ATP6V1C2: variants seen among roughly 807,000 people sequenced by gnomAD.
The protein encoded by ATP6V1C2 is ATPase H+ transporting V1 subunit C2.
ATP6V1C2 carries 45 observed loss-of-function variants against 56.8 expected under a neutral mutation model. The ratio of observed to expected loss-of-function variants is 0.79; its 90% CI spans 0.62 to 1.02. The LOEUF is 1.02. Ranked by LOEUF, ATP6V1C2 falls within the 50% of genes least tolerant of loss-of-function variation. The probability of loss-of-function intolerance (pLI) is 0.00; values close to 1 mark genes in which losing one functional copy is unlikely to be tolerated. For synonymous variants in ATP6V1C2, 220 were observed against 201.3 expected (o/e 1.09, Z -0.79); for missense variants, 463 against 519.7 (o/e 0.89, Z 1.06).
chr2:10,739,607 A>T (rs1181744493), intron 3 of ATP6V1C2, among the ~76,000 whole-genome samples: 1 of 151,932 alleles, frequency 6.6e-6, no homozygotes. Flanking sequence ...CACCCAGAAG[A>T]CTTCTCCAGA....
At chr2:10,723,415 G>A (rs1170317468) in intron 2 of ATP6V1C2, among the ~76,000 whole-genome samples, 1 of 152,124 alleles carries the variant, frequency 6.6e-6, no homozygotes, top group African/African-American at 2.4e-5. Context: ...GGCAGGGGAG[G>A]AAATCTAGGA....
At chr2:10,723,091 G>A in intron 2 of ATP6V1C2, 113 bp downstream of exon 2, 2 of 1,328,964 alleles carry the variant, frequency 1.5e-6, no homozygotes, top group Non-Finnish European at 2.0e-6. Flanking sequence ...GCAAAGCAGG[G>A]GCTCTGAGGA....
intron 8 of ATP6V1C2, 76 bp from the exon 9 acceptor site, chr2:10,774,712 G>A (rs1418157328): frequency 6.0e-6 from 8 of 1,330,746 alleles, no homozygotes; most frequent in African/African-American, 2.9e-5. Flanking sequence ...CAGGCCACCA[G>A]GCCCGGGGCC....
intron 3 of ATP6V1C2, among the ~76,000 whole-genome samples, chr2:10,738,934 G>C (rs1055669723): frequency 6.6e-6 from 1 of 152,150 alleles, no homozygotes; most frequent in Non-Finnish European, 1.5e-5. Context: ...TTCTCAGCAC[G>C]TCCATCGAAG....
chr2:10,734,603 G>C (rs557697775), intron 3 of ATP6V1C2, among the ~76,000 whole-genome samples: 10 of 152,030 alleles, frequency 6.6e-5, no homozygotes, highest in Non-Finnish European at 1.2e-4. Context: ...CCAGAGAGAA[G>C]ATCCTAGAAA....
intron 3 of ATP6V1C2, among the ~76,000 whole-genome samples, chr2:10,733,976 G>A (rs1047817551): frequency 2.0e-5 from 3 of 152,216 alleles, no homozygotes; most frequent in Non-Finnish European, 4.4e-5. Flanking sequence ...GTGTGAGTCA[G>A]TTCTTGTAAG....
At chr2:10,781,678 A>G (rs919645583) in intron 12 of ATP6V1C2, among the ~76,000 whole-genome samples, 1 of 152,218 alleles carries the variant, frequency 6.6e-6, no homozygotes, top group Non-Finnish European at 1.5e-5. Flanking sequence ...CCCTCAGAGT[A>G]TAAAAATACA....
intron 5 of ATP6V1C2, chr2:10,767,804 T>C (rs1290128105): frequency 2.0e-5 from 3 of 152,160 alleles, no homozygotes; most frequent in African/African-American, 7.2e-5. Flanking sequence ...ATCATTTTAA[T>C]TATATTTATT....
chr2:10,738,445 G>A (rs543316655), intron 3 of ATP6V1C2, among the ~76,000 whole-genome samples: 4 of 152,270 alleles, frequency 2.6e-5, no homozygotes, highest in East Asian at 1.9e-4. Context: ...GGGTCAGCTC[G>A]AGGCAATGTT....
chr2:10,781,465 G>A (rs777999305), intron 12 of ATP6V1C2, among the ~76,000 whole-genome samples: 1 of 151,720 alleles, frequency 6.6e-6, no homozygotes, highest in East Asian at 1.9e-4. Context: ...GTGACAGAGC[G>A]AGATTCTGTC....
intron 5 of ATP6V1C2, among the ~76,000 whole-genome samples, chr2:10,768,374 G>C (rs1664366521): frequency 6.6e-6 from 1 of 152,236 alleles, no homozygotes; most frequent in Non-Finnish European, 1.5e-5. Flanking sequence ...GGCCATGTCG[G>C]GTACCCCTGG....
intron 4 of ATP6V1C2, among the ~76,000 whole-genome samples, chr2:10,762,967 C>T (rs1664012469): frequency 6.6e-6 from 1 of 152,136 alleles, no homozygotes. Flanking sequence ...GTGTGAGTGT[C>T]CCCAGCCTGC....
chr2:10,775,612 C>T (rs1306851526), intron 10 of ATP6V1C2, among the ~76,000 whole-genome samples: 1 of 152,204 alleles, frequency 6.6e-6, no homozygotes, highest in Non-Finnish European at 1.5e-5. Context: ...ACCACAGCCA[C>T]TCAGAAACCC....
chr2:10,756,176 G>A (rs764391645), intron 4 of ATP6V1C2, among the ~76,000 whole-genome samples: 19 of 152,106 alleles, frequency 1.2e-4, no homozygotes, highest in Non-Finnish European at 2.2e-4. Flanking sequence ...AGCCAACATG[G>A]TGAAACCCCA....
rs1448883864 is a variant in ATP6V1C2, at chr2:10,775,004, A to G, written c.758A>G (p.Asp253Gly). 1 of 1,613,998 alleles carries G rather than the reference A, an allele frequency of 6.2e-7. No individual in the cohort carries two copies. The highest frequency in any genetic ancestry group is 8.5e-7 in the Non-Finnish European group (1 of 1,180,014). The change falls in exon 10 of 14, where the codon GAT becomes GGT. Residue 253 changes from aspartate to glycine, a missense_variant. Asp to Gly is a moderately conservative substitution (Grantham distance 94). Transcript: ENST00000272238. ...TTCACTGTTCGTGAATTTTACTATG[A>G]TGAGAAGGAAATTGAAAGGGAAAGG... ...NKFTVREFYY[D>G]EKEIEREREE...
Position 10,771,829 on chromosome 2 carries a change from TG to T in ATP6V1C2, c.471-9del. 6.2e-7 allele frequency: 1 copy of T among 1,610,860 alleles called. No individual in the cohort carries two copies. Among genetic ancestry groups the T allele is most frequent in the Non-Finnish European group, 8.5e-7 (1 of 1,176,980 alleles). On this transcript the variant is annotated splice_polypyrimidine_tract_variant and intron_variant, in intron 6 of 13. Coordinates refer to ENST00000272238, the MANE Select transcript of ATP6V1C2 (RefSeq NM_001039362.2). Reference sequence around the variant, plus strand: ...CATCTTTCACACCCTTTGTTCCACCTGCCTTTTAGGGGGAACCTCTTCACCC... The same window carrying T: ...CATCTTTCACACCCTTTGTTCCACCTCCTTTTAGGGGGAACCTCTTCACCC...
intron 6 of ATP6V1C2, among the ~76,000 whole-genome samples, chr2:10,771,068 A>AT (rs975598427): frequency 6.6e-6 from 1 of 152,218 alleles, no homozygotes; most frequent in African/African-American, 2.4e-5. Context: ...GGCTTTATCC[A>AT]TGGCCACGCA....
intron 3 of ATP6V1C2, among the ~76,000 whole-genome samples, chr2:10,733,904 C>A (rs539248694): frequency 9.7e-5 from 13 of 133,814 alleles, no homozygotes; most frequent in African/African-American, 3.3e-4. Flanking sequence ...TTCCATGGAG[C>A]TGACTGAGGG....
intron 10 of ATP6V1C2, among the ~76,000 whole-genome samples, chr2:10,775,951 T>C (rs1157979095): frequency 6.6e-6 from 1 of 152,134 alleles, no homozygotes; most frequent in Non-Finnish European, 1.5e-5. Context: ...AACACAGCAC[T>C]GTGAGGACTC....
Sources: gnomAD v4.1 joint callset for allele counts (sites outside exome capture counted in the v4.1 genomes callset) on GRCh38, gnomAD v4.1.1 for gene constraint, MANE v1.5 for transcripts, NCBI Gene and HGNC (gene_info 2026-07-23, HGNC 2026-07-21) for gene names.